The following MRPL1 variants were observed in gnomAD, a reference collection of about 807,000 sequenced individuals.
MRPL1 encodes the protein large ribosomal subunit protein uL1m.
Under a neutral mutation model 38.0 loss-of-function variants are expected in MRPL1, and 28 were observed. That is an observed-to-expected ratio of 0.74 (90% confidence interval 0.55 to 1.01). The LOEUF (loss-of-function observed/expected upper bound fraction) is 1.01. MRPL1 is among the 50% of genes least tolerant of loss of function. The pLI, the probability that MRPL1 is intolerant of heterozygous loss-of-function variation, is 0.00. For missense variants in MRPL1, 358 were observed against 389.8 expected (o/e 0.92, Z 0.69); for synonymous variants, 123 against 126.7 (o/e 0.97, Z 0.20).
intron 7 of MRPL1, among the ~76,000 whole-genome samples, chr4:77,932,336 C>T (rs1736864518): frequency 6.6e-6 from 1 of 152,150 alleles, no homozygotes; most frequent in African/African-American, 2.4e-5. Flanking sequence ...CTCTCAGCTT[C>T]CGAAGAGTTT....
intron 7 of MRPL1, among the ~76,000 whole-genome samples, chr4:77,921,192 C>CA (rs1276161111): frequency 2.0e-5 from 3 of 152,198 alleles, no homozygotes; most frequent in Non-Finnish European, 4.4e-5. Flanking sequence ...TTTTCTATGA[C>CA]AAAGTACACA....
At chr4:77,897,153 G>A (rs891302513) in intron 6 of MRPL1, among the ~76,000 whole-genome samples, 4 of 151,784 alleles carry the variant, frequency 2.6e-5, no homozygotes, top group Admixed American at 6.6e-5. Flanking sequence ...TGCAACCTCC[G>A]CCTCCTGGGT....
intron 7 of MRPL1, among the ~76,000 whole-genome samples, chr4:77,925,931 A>G (rs1736703789): frequency 6.6e-6 from 1 of 152,208 alleles, no homozygotes; most frequent in Non-Finnish European, 1.5e-5. Context: ...TCTGGCATAT[A>G]TGGACACTTG....
chr4:77,904,331 A>C (rs1736106560), intron 6 of MRPL1, among the ~76,000 whole-genome samples: 1 of 152,166 alleles, frequency 6.6e-6, no homozygotes, highest in African/African-American at 2.4e-5. Flanking sequence ...AGGCAGGTGA[A>C]TCACTTGAGG....
chr4:77,929,407 T>G (rs1333718628), intron 7 of MRPL1, among the ~76,000 whole-genome samples: 1 of 152,168 alleles, frequency 6.6e-6, no homozygotes, highest in African/African-American at 2.4e-5. Context: ...TCATTAGTAT[T>G]ACATCTAAAA....
intron 7 of MRPL1, among the ~76,000 whole-genome samples, chr4:77,913,763 A>C (rs914184738): frequency 5.3e-5 from 8 of 152,260 alleles, no homozygotes; most frequent in African/African-American, 1.9e-4. Context: ...GTGAATATAA[A>C]AAAAATTCTT....
rs192847573 is a variant in MRPL1 at position 77,914,822 on chromosome 4, C to T, written c.777+5450C>T. On this transcript the variant is annotated intron_variant, in intron 7 of 8. Transcript: ENST00000315567. ...ATGACGGTATCACATGCCTATTAAG[C>T]GTCCTTATTTTGGATAAAAGGAAGA... Among the ~76,000 whole-genome samples, 4 of 152,102 alleles carry T rather than the reference C, an allele frequency of 2.6e-5. No homozygotes were observed. The East Asian group carries it at 5.8e-4, about 22-fold the overall frequency.
chr4:77,878,924 T>C (rs537301978), intron 2 of MRPL1, among the ~76,000 whole-genome samples: 1 of 152,226 alleles, frequency 6.6e-6, no homozygotes, highest in Admixed American at 6.5e-5. Flanking sequence ...ATGGAAATCA[T>C]GTTTTTGGAG....
At chr4:77,887,384 A>G in intron 5 of MRPL1, 93 bp downstream of exon 5, 1 of 1,061,508 alleles carries the variant, frequency 9.4e-7, no homozygotes, top group Non-Finnish European at 1.4e-6. Context: ...CTAGTCTCAT[A>G]TCTTATGATA....
intron 8 of MRPL1, 38 bp from the exon 9 acceptor site, chr4:77,952,451 A>G (rs35979107): frequency 0.3 from 419,162 of 1,390,668 alleles, 65,147 homozygotes; most frequent in East Asian, 0.43. Flanking sequence ...TGGTATTGCG[A>G]TATAAAAATC....
At chr4:77,892,064 A>G (rs1578044793) in intron 5 of MRPL1, among the ~76,000 whole-genome samples, 2 of 152,134 alleles carry the variant, frequency 1.3e-5, no homozygotes, top group African/African-American at 2.4e-5. Flanking sequence ...GTGTTTTTAA[A>G]TTAGTTTATC....
At chr4:77,945,393 TTCAG>T (rs1030289404) in intron 7 of MRPL1, among the ~76,000 whole-genome samples, 7 of 152,028 alleles carry the variant, frequency 4.6e-5, no homozygotes, top group Admixed American at 1.3e-4. Context: ...CTCTTCAGTT[TTCAG>T]TCAAAGGTGA....
chr4:77,887,513 G>GGTGT (rs770209823), intron 5 of MRPL1, among the ~76,000 whole-genome samples: 42 of 150,930 alleles, frequency 2.8e-4, no homozygotes, highest in Admixed American at 2.6e-4. Context: ...GTTTATTTGG[G>GGTGT]GTGTGTGTGT....
In MRPL1 at chr4:77,883,344, T is replaced by C; in HGVS notation, c.246T>C (p.Pro82=). 6.2e-7 allele frequency: 1 copy of C among 1,613,766 alleles called. No homozygotes were observed. The highest frequency in any genetic ancestry group is 8.5e-7 in the Non-Finnish European group (1 of 1,179,880). ...CATATCCCTATATGGAAGGCGAACC[T>C]GAGGATGATGTCTATTTAAAACGCT... The part of the protein sequence containing the change: ...IKAYPYMEGE[P]EDDVYLKRLY... Residue 82 remains proline, a synonymous_variant, in exon 3 of 9, where the codon CCT becomes CCC. Coordinates refer to ENST00000315567, the MANE Select transcript of MRPL1 (RefSeq NM_020236.4).
chr4:77,894,541 A>G (rs2060982934), intron 6 of MRPL1, among the ~76,000 whole-genome samples: 1 of 152,114 alleles, frequency 6.6e-6, no homozygotes, highest in Non-Finnish European at 1.5e-5. Flanking sequence ...TATTATCATC[A>G]TACTGTTTTA....
intron 5 of MRPL1, among the ~76,000 whole-genome samples, chr4:77,890,513 A>G (rs1735782678): frequency 1.3e-5 from 2 of 152,212 alleles, no homozygotes; most frequent in South Asian, 2.1e-4. Context: ...ATTTATGACA[A>G]ACCCACAGCC....
At chr4:77,941,272 A>G (rs1336337240) in intron 7 of MRPL1, among the ~76,000 whole-genome samples, 3 of 152,008 alleles carry the variant, frequency 2.0e-5, no homozygotes, top group Non-Finnish European at 4.4e-5. Context: ...CCTCAGAAAA[A>G]AAAAAAAAAG....
chr4:77,865,714 T>A (rs1436009219), intron 1 of MRPL1, among the ~76,000 whole-genome samples: 1 of 152,210 alleles, frequency 6.6e-6, no homozygotes, highest in Non-Finnish European at 1.5e-5. Context: ...TTGCAAATCC[T>A]GTTGGCTTTA....
chr4:77,897,564 A>G (rs1216015470), intron 6 of MRPL1, among the ~76,000 whole-genome samples: 2 of 152,228 alleles, frequency 1.3e-5, no homozygotes, highest in Admixed American at 6.5e-5. Context: ...CTTAGAATTG[A>G]ACACTAGTGC....
Sources: allele counts gnomAD v4.1 joint callset (sites outside exome capture counted in the v4.1 genomes callset), GRCh38; gene constraint gnomAD v4.1.1; transcripts MANE v1.5; gene names NCBI Gene and HGNC (gene_info 2026-07-23, HGNC 2026-07-21).